The following CACNB2 variants were observed in gnomAD, a reference collection of about 807,000 sequenced individuals.
CACNB2 encodes the protein calcium voltage-gated channel auxiliary subunit beta 2.
CACNB2 carries 42 observed loss-of-function variants against 73.3 expected under a neutral mutation model. The observed-to-expected ratio is 0.57, with a 90% CI of 0.45 to 0.74. CACNB2 has a LOEUF of 0.74. Ranked by LOEUF, CACNB2 falls within the 30% of genes least tolerant of loss-of-function variation. The pLI is 0.00. For missense variants in CACNB2, 940 were observed against 853.0 expected (o/e 1.10, Z -1.27); for synonymous variants, 348 against 310.3 (o/e 1.12, Z -1.28).
At chr10:18,526,215 AGAG>A (rs1389811229) in intron 9 of CACNB2, among the ~76,000 whole-genome samples, 3 of 152,202 alleles carry the variant, frequency 2.0e-5, no homozygotes, top group Admixed American at 6.5e-5. Flanking sequence ...CAGATTCCCC[AGAG>A]AAGAATCTTC....
intron 9 of CACNB2, among the ~76,000 whole-genome samples, chr10:18,521,939 G>A (rs1328791329): frequency 2.0e-5 from 3 of 152,202 alleles, no homozygotes; most frequent in Non-Finnish European, 4.4e-5. Flanking sequence ...TGGCCTGCTA[G>A]GGGCCACACA....
At chr10:18,154,094 T>TA (rs1188592083) in intron 2 of CACNB2, among the ~76,000 whole-genome samples, 1 of 151,910 alleles carries the variant, frequency 6.6e-6, no homozygotes, top group African/African-American at 2.4e-5. Flanking sequence ...GCCCTTTGAT[T>TA]AAAAATAGTT....
rs568415329 is a variant in CACNB2 at position 18,356,949 on chromosome 10, T to TTTTTC, written c.214-44971_214-44970insCTTTT. On this transcript the variant is annotated intron_variant, in intron 2 of 13. Transcript: ENST00000324631. Reference sequence around the variant, plus strand: ...CTGGCCCAGACTCAATTTCTTTTTTTTTTTTTTTTTTTTGAGACGGAGTTT... The same window carrying TTTTTC: ...CTGGCCCAGACTCAATTTCTTTTTTTTTTTCTTTTTTTTTTTTTGAGACGGAGTTT... 7.9e-4 allele frequency among the ~76,000 whole-genome samples: 73 copies of TTTTTC among 92,330 alleles called. 2 individuals carry two copies. Among genetic ancestry groups the TTTTTC allele is most frequent in the South Asian group, 7.5e-3 (20 of 2,674 alleles). The allele number at this position is 92,330 out of a possible 152,430, so 60.6% of individuals were successfully genotyped here.
At chr10:18,444,212 G>A (rs751352441) in intron 3 of CACNB2, among the ~76,000 whole-genome samples, 1 of 152,112 alleles carries the variant, frequency 6.6e-6, no homozygotes, top group Non-Finnish European at 1.5e-5. Flanking sequence ...CCTCATGAAT[G>A]GGATTAGTGC....
At chr10:18,220,222 TATATATATATAGAGAGAGAG>T (rs1415882759) in intron 2 of CACNB2, among the ~76,000 whole-genome samples, 1 of 48,260 alleles carries the variant, frequency 2.1e-5, no homozygotes, top group African/African-American at 1.9e-4. Context: ...TATATATATA[TATATATATATAGAGAGAGAG>T]AGAGAGAGAG....
At chr10:18,467,085 C>G (rs924171720) in intron 3 of CACNB2, among the ~76,000 whole-genome samples, 1 of 151,964 alleles carries the variant, frequency 6.6e-6, no homozygotes, top group Admixed American at 6.6e-5. Context: ...ACTCAGGAGG[C>G]GGAAGTTGCA....
chr10:18,530,672 T>C (rs2052924751), intron 10 of CACNB2, among the ~76,000 whole-genome samples: 1 of 152,200 alleles, frequency 6.6e-6, no homozygotes, highest in Admixed American at 6.5e-5. Context: ...ACTGTACATA[T>C]ATTGCTTTCA....
rs547256729 is a variant in CACNB2 at position 18,336,577 on chromosome 10, C to A, written c.214-65347C>A. 2.0e-5 allele frequency among the ~76,000 whole-genome samples: 3 copies of A among 152,086 alleles called. No homozygotes were observed. In the South Asian group the frequency reaches 6.2e-4, roughly 32 times the overall value. ...GAGGCTGCAATGAGCCAAGATCATG[C>A]CACTGCACTCCAGCCTGGGTAACAG... On this transcript the variant is annotated intron_variant, in intron 2 of 13. Coordinates refer to ENST00000324631, the MANE Select transcript of CACNB2 (RefSeq NM_201596.3).
At chr10:18,458,404 A>G (rs568942725) in intron 3 of CACNB2, among the ~76,000 whole-genome samples, 1 of 152,344 alleles carries the variant, frequency 6.6e-6, no homozygotes, top group East Asian at 1.9e-4. Flanking sequence ...AAAAGGTTGT[A>G]TAAACTGTAT....
chr10:18,536,985 T>A (rs539405308), intron 12 of CACNB2, among the ~76,000 whole-genome samples: 1 of 152,274 alleles, frequency 6.6e-6, no homozygotes, highest in South Asian at 2.1e-4. Flanking sequence ...TATTAGAGCT[T>A]TCCTAGGTTT....
intron 2 of CACNB2, among the ~76,000 whole-genome samples, chr10:18,204,733 A>G (rs528744750): frequency 2.0e-5 from 3 of 152,342 alleles, no homozygotes; most frequent in African/African-American, 7.2e-5. Flanking sequence ...TTACCGTTAT[A>G]CATTCAGAAC....
chr10:18,475,315 G>C (rs986787393), intron 3 of CACNB2, among the ~76,000 whole-genome samples: 1 of 152,068 alleles, frequency 6.6e-6, no homozygotes, highest in Non-Finnish European at 1.5e-5. Context: ...TGTCTCTAGA[G>C]GTCAGGGTGT....
At chr10:18,361,695 C>T (rs1185501144) in intron 2 of CACNB2, among the ~76,000 whole-genome samples, 2 of 147,622 alleles carry the variant, frequency 1.4e-5, no homozygotes, top group South Asian at 2.2e-4. Flanking sequence ...CTCACTGAAA[C>T]TTCCACCTTC....
intron 3 of CACNB2, among the ~76,000 whole-genome samples, chr10:18,459,019 C>A (rs1271740589): frequency 1.3e-5 from 2 of 152,176 alleles, no homozygotes; most frequent in Non-Finnish European, 2.9e-5. Context: ...CCCGCCTCGG[C>A]CTCCCAAAGT....
chr10:18,343,500 G>A (rs907860030), intron 2 of CACNB2, among the ~76,000 whole-genome samples: 1 of 152,120 alleles, frequency 6.6e-6, no homozygotes, highest in Non-Finnish European at 1.5e-5. Flanking sequence ...TAATAACTGT[G>A]TTTCAAGATA....
chr10:18,251,751 T>C (rs559117530), intron 2 of CACNB2, among the ~76,000 whole-genome samples: 1 of 152,216 alleles, frequency 6.6e-6, no homozygotes, highest in Admixed American at 6.5e-5. Context: ...AGCAACCACA[T>C]CTTACCATGG....
chr10:18,272,468 T>A (rs1484260813), intron 2 of CACNB2, among the ~76,000 whole-genome samples: 1 of 152,164 alleles, frequency 6.6e-6, no homozygotes, highest in Non-Finnish European at 1.5e-5. Context: ...TCTTTCTAAT[T>A]TAAAAGATAG....
chr10:18,184,648 T>C (rs929020376), intron 2 of CACNB2, among the ~76,000 whole-genome samples: 10 of 78,392 alleles, frequency 1.3e-4, no homozygotes, highest in Non-Finnish European at 1.7e-4. Context: ...TCTCAGACTT[T>C]GTTTTTTTTT....
intron 9 of CACNB2, 69 bp downstream of exon 9, chr10:18,519,037 C>A (rs576686707): frequency 7.5e-7 from 1 of 1,337,320 alleles, no homozygotes; most frequent in Non-Finnish European, 1.1e-6. Context: ...GTGGGACATG[C>A]GTGTGATTCC....
Sources: allele counts gnomAD v4.1 joint callset (sites outside exome capture counted in the v4.1 genomes callset), GRCh38; gene constraint gnomAD v4.1.1; transcripts MANE v1.5; gene names NCBI Gene and HGNC (gene_info 2026-07-23, HGNC 2026-07-21).